Variants in ARHGAP15 observed in about 807,000 individuals in gnomAD.
ARHGAP15 encodes the protein Rho GTPase activating protein 15, also known as rho GTPase-activating protein 15.
In ARHGAP15, 51 loss-of-function variants were observed where a neutral mutation model predicts 63.7. The ratio of observed to expected loss-of-function variants is 0.80; its 90% CI spans 0.64 to 1.01. The LOEUF (loss-of-function observed/expected upper bound fraction) is 1.01. ARHGAP15 is among the 50% of genes least tolerant of loss of function. The pLI, the probability that ARHGAP15 is intolerant of heterozygous loss-of-function variation, is 0.00. For missense variants in ARHGAP15, 560 were observed against 564.6 expected, an observed-to-expected ratio of 0.99 and a Z score of 0.08; for synonymous variants, 191 against 193.8, an observed-to-expected ratio of 0.99 and a Z score of 0.12.
intron 8 of ARHGAP15, among the ~76,000 whole-genome samples, chr2:143,462,202 A>G (rs1690977441): frequency 6.6e-6 from 1 of 152,152 alleles, no homozygotes; most frequent in Admixed American, 6.5e-5. Flanking sequence ...CATGATATGT[A>G]AAGTTGGTTG....
At chr2:143,629,716 G>A (rs1368009701) in intron 12 of ARHGAP15, among the ~76,000 whole-genome samples, 3 of 152,132 alleles carry the variant, frequency 2.0e-5, no homozygotes, top group South Asian at 2.1e-4. Context: ...AAACTCATTG[G>A]CATTTCTAAT....
intron 6 of ARHGAP15, among the ~76,000 whole-genome samples, chr2:143,324,503 G>A (rs915520350): frequency 8.5e-5 from 13 of 152,126 alleles, no homozygotes; most frequent in African/African-American, 2.4e-4. Context: ...TATTTGCACC[G>A]TATTTTAGTG....
At chr2:143,473,669 C>G (rs1237934469) in intron 8 of ARHGAP15, among the ~76,000 whole-genome samples, 1 of 152,116 alleles carries the variant, frequency 6.6e-6, no homozygotes, top group East Asian at 1.9e-4. Flanking sequence ...AGGATGTGTG[C>G]GCACTGCCTC....
intron 12 of ARHGAP15, among the ~76,000 whole-genome samples, chr2:143,668,341 G>A (rs1295010089): frequency 1.3e-5 from 2 of 151,412 alleles, no homozygotes; most frequent in African/African-American, 2.4e-5. Flanking sequence ...AAAGTTAGGC[G>A]GCAGCTTTCA....
intron 13 of ARHGAP15, among the ~76,000 whole-genome samples, chr2:143,707,530 T>TA (rs1289575056): frequency 2.0e-5 from 3 of 152,206 alleles, no homozygotes; most frequent in Non-Finnish European, 4.4e-5. Flanking sequence ...AAGGCCTCTA[T>TA]ATGCTGCTGG....
At chr2:143,185,487 A>G (rs1207062224) in intron 2 of ARHGAP15, among the ~76,000 whole-genome samples, 1 of 152,164 alleles carries the variant, frequency 6.6e-6, no homozygotes, top group Non-Finnish European at 1.5e-5. Flanking sequence ...GTCTCCTCTA[A>G]GATTCTGCAA....
rs557034745 is a variant in ARHGAP15, at chr2:143,212,210, A to G, written c.235-4174A>G. ...TCTGCCATGATTGTTACCATTAATC[A>G]AAGGTTGTCTTCTGCTCCCCTGTCT... On this transcript the variant is annotated intron_variant, in intron 3 of 13. Coordinates refer to ENST00000295095, the MANE Select transcript of ARHGAP15 (RefSeq NM_018460.4). Among the ~76,000 whole-genome samples the G allele has an allele frequency of 3.3e-5, 5 of 152,316 alleles. No individual in the cohort carries two copies. In the East Asian group the frequency reaches 9.6e-4, roughly 29 times the overall value.
At position 143,239,870 on chromosome 2, in the gene ARHGAP15, A is replaced by G. The variant is rs1311577981; in HGVS notation, c.385-10641A>G. The stretch of plus-strand genomic sequence containing the variant: ...GTTGGGTGTGGTGGTGCCCACCTGC[A>G]ACCTGAGCTACTTAGGAGGCTGAGG... On this transcript the variant is annotated intron_variant, in intron 5 of 13. Coordinates refer to ENST00000295095, the MANE Select transcript of ARHGAP15 (RefSeq NM_018460.4). Among the ~76,000 whole-genome samples the G allele has an allele frequency of 2.0e-5, 3 of 152,040 alleles. No individual in the cohort carries two copies. In the South Asian group the frequency reaches 6.2e-4, roughly 32 times the overall value.
intron 13 of ARHGAP15, among the ~76,000 whole-genome samples, chr2:143,724,170 G>A (rs934948054): frequency 2.6e-5 from 4 of 151,806 alleles, no homozygotes; most frequent in Non-Finnish European, 4.4e-5. Context: ...AGAGAAATTC[G>A]ATCTTACATT....
chr2:143,575,780 T>C (rs1478547294), intron 11 of ARHGAP15, among the ~76,000 whole-genome samples: 1 of 152,198 alleles, frequency 6.6e-6, no homozygotes, highest in Non-Finnish European at 1.5e-5. Context: ...CCAAACCTGA[T>C]GAGGATTACA....
chr2:143,440,496 G>A (rs1217579014), intron 8 of ARHGAP15, among the ~76,000 whole-genome samples: 5 of 152,082 alleles, frequency 3.3e-5, no homozygotes, highest in Non-Finnish European at 7.4e-5. Flanking sequence ...CGCCAAGATT[G>A]TAGACAGATA....
intron 12 of ARHGAP15, among the ~76,000 whole-genome samples, chr2:143,639,654 CATT>C (rs143574926): frequency 0.074 from 11,179 of 152,076 alleles, 762 homozygotes; most frequent in East Asian, 0.33. Flanking sequence ...TAGGAAATAA[CATT>C]ATAAAATTTC....
At chr2:143,284,821 C>CTT (rs1234382369) in intron 6 of ARHGAP15, among the ~76,000 whole-genome samples, 2 of 152,134 alleles carry the variant, frequency 1.3e-5, no homozygotes, top group African/African-American at 4.8e-5. Flanking sequence ...TTCTTCTTTC[C>CTT]TTAAAGGTGC....
chr2:143,388,236 T>C (rs927762598), intron 6 of ARHGAP15, among the ~76,000 whole-genome samples: 1 of 152,210 alleles, frequency 6.6e-6, no homozygotes, highest in African/African-American at 2.4e-5. Flanking sequence ...ATAACAGTGT[T>C]CAAAGAAGCT....
At chr2:143,445,852 A>G (rs1690112168) in intron 8 of ARHGAP15, among the ~76,000 whole-genome samples, 2 of 152,184 alleles carry the variant, frequency 1.3e-5, no homozygotes, top group African/African-American at 4.8e-5. Flanking sequence ...CAATAAAAGA[A>G]AAAGAAACTC....
At chr2:143,566,275 T>C (rs756822806) in intron 11 of ARHGAP15, among the ~76,000 whole-genome samples, 46 of 152,176 alleles carry the variant, frequency 3.0e-4, no homozygotes, top group Non-Finnish European at 6.6e-4. Flanking sequence ...TGCTTCTTGC[T>C]TCACTGAGGG....
chr2:143,514,421 C>T (rs976059118), intron 9 of ARHGAP15, among the ~76,000 whole-genome samples: 2 of 152,118 alleles, frequency 1.3e-5, no homozygotes, highest in East Asian at 1.9e-4. Flanking sequence ...TGAGACTCCT[C>T]CTGAGGATTG....
Position 143,201,481 on chromosome 2 carries a change from G to A in ARHGAP15, c.166-653G>A, listed in dbSNP as rs950585484. Among the ~76,000 whole-genome samples the A allele has an allele frequency of 2.0e-5, 3 of 151,978 alleles. No individual in the cohort carries two copies. The East Asian group carries it at 5.8e-4, about 29-fold the overall frequency. Reference sequence around the variant, plus strand: ...GGGTAATTGGGGTATTCACTAACCCGAGCATTTATCATTTCTTATTTCACG... The same window carrying A: ...GGGTAATTGGGGTATTCACTAACCCAAGCATTTATCATTTCTTATTTCACG... On this transcript the variant is annotated intron_variant, in intron 2 of 13. Coordinates refer to ENST00000295095, the MANE Select transcript of ARHGAP15 (RefSeq NM_018460.4).
chr2:143,176,768 T>A (rs1430403537), intron 2 of ARHGAP15, among the ~76,000 whole-genome samples: 1 of 152,224 alleles, frequency 6.6e-6, no homozygotes, highest in Non-Finnish European at 1.5e-5. Context: ...GCAAGGCTCA[T>A]CTCATTGGCT....
Sources: gnomAD v4.1 joint callset for allele counts (sites outside exome capture counted in the v4.1 genomes callset) on GRCh38, gnomAD v4.1.1 for gene constraint, MANE v1.5 for transcripts, NCBI Gene and HGNC (gene_info 2026-07-23, HGNC 2026-07-21) for gene names.